Variants in FBF1 observed in about 807,000 individuals in gnomAD.
FBF1 encodes the protein fas-binding factor 1.
In FBF1, 119 loss-of-function variants were observed where a neutral mutation model predicts 147.2. The ratio of observed to expected loss-of-function variants is 0.81; its 90% CI spans 0.70 to 0.94. The LOEUF (loss-of-function observed/expected upper bound fraction) is 0.94, where lower values mean the gene tolerates loss of function less well. FBF1 is among the 40% of genes least tolerant of loss of function. FBF1 has a pLI of 0.00. For synonymous variants in FBF1, 601 were observed against 609.0 expected, an observed-to-expected ratio of 0.99 and a Z score of 0.19; for missense variants, 1,449 against 1,500.8, an observed-to-expected ratio of 0.97 and a Z score of 0.57.
chr17:75,938,124 A>T (rs1313116409), intron 2 of FBF1, 23 bp downstream of exon 2: 5 of 1,612,900 alleles, frequency 3.1e-6, no homozygotes, highest in Non-Finnish European at 4.2e-6. Context: ...CTTTCCATGC[A>T]TCTTACTCTG....
chr17:75,914,270 C>A lies in FBF1; in HGVS notation c.2843G>T (p.Ser948Ile). The A allele has an allele frequency of 6.3e-7, 1 of 1,592,678 alleles. No individual in the cohort carries two copies. The highest frequency in any genetic ancestry group is 1.7e-5 in the Admixed American group (1 of 58,004). Residue 948 changes from serine to isoleucine, a missense_variant, in exon 26 of 30, where the codon AGC becomes ATC. By Grantham distance (142) the Ser-to-Ile change is moderately radical (BLOSUM62 -2). Coordinates refer to ENST00000636174, the MANE Select transcript of FBF1 (RefSeq NM_001319193.2). ...CTGCTTCTCCTCGGCCCGGAGCTCG[C>A]TGGCCCTGATCTTCAGCTCAGCCTG... ...KEQAELKIRA[S>I]ELRAEEKQLA...
At chr17:75,935,773 G>C in intron 3 of FBF1, 100 bp from the exon 4 acceptor site, 1 of 1,132,276 alleles carries the variant, frequency 8.8e-7, no homozygotes, top group South Asian at 1.5e-5. Context: ...AGACCTTTCA[G>C]ATGTTGGGAC....
In FBF1 at chr17:75,909,617, C is replaced by T. The variant is rs2065446347; in HGVS notation, c.*1106G>A. 1 of 514,974 alleles carries T rather than the reference C, an allele frequency of 1.9e-6. No homozygotes were observed. The highest frequency in any genetic ancestry group is 1.9e-5 in the African/African-American group (1 of 52,664). The allele number at this position is 514,974 out of a possible 1,614,324, so 31.9% of individuals were successfully genotyped here. ...ATTTAATCTCCCCGGGCCTCAGTTT[C>T]TGCATGTTTGAAGCAGGGCTAATAG... On this transcript the variant is annotated 3_prime_UTR_variant, in exon 30 of 30. Transcript: ENST00000636174.
Position 75,927,496 on chromosome 17 carries a change from G to C in FBF1, c.434C>G (p.Pro145Arg). 1 of 1,604,636 alleles carries C rather than the reference G, an allele frequency of 6.2e-7. No individual in the cohort carries two copies. Among genetic ancestry groups the C allele is most frequent in the Non-Finnish European group, 8.5e-7 (1 of 1,175,764 alleles). The change falls in exon 9 of 30, where the codon CCC becomes CGC. Residue 145 changes from proline (P) to arginine (R), a missense_variant. By Grantham distance (103) the Pro-to-Arg change is moderately radical (BLOSUM62 -2). Coordinates refer to ENST00000636174, the MANE Select transcript of FBF1 (RefSeq NM_001319193.2). The stretch of plus-strand genomic sequence containing the variant: ...CCTGTTCTGATGCCCAGAGCTGCTG[G>C]GAGACGGAAGTGACTTCTTGGTGGG... ...AIPTKKSLPS[P>R]SSSGHQNRRF...
In FBF1 at chr17:75,922,120, C is replaced by T. The variant is rs1412357164; in HGVS notation, c.1425-74G>A. On this transcript the variant is annotated intron_variant, in intron 14 of 29. Coordinates refer to ENST00000636174, the MANE Select transcript of FBF1 (RefSeq NM_001319193.2). The surrounding 1 kb of genome is among the most constrained non-coding windows in gnomAD (Gnocchi z 5.0). ...GGCTGGATGAAGACAGGGCCCAGGA[C>T]GGGCTTCACACGTGAAGCTCGTGGC... 28 of 1,332,456 alleles carry T rather than the reference C, an allele frequency of 2.1e-5. No individual in the cohort carries two copies. The highest frequency in any genetic ancestry group is 2.7e-5 in the Non-Finnish European group (26 of 956,182). 82.5% of individuals were successfully genotyped at this position (1,332,456 alleles called of 1,614,324 possible). A position where few individuals can be genotyped will look rare whatever the true frequency, so the allele number is the denominator to read the frequency against.
intron 27 of FBF1, 39 bp downstream of exon 27, chr17:75,913,874 T>C: frequency 6.4e-7 from 1 of 1,558,452 alleles, no homozygotes. Context: ...AGGCTGGGGG[T>C]GCCGGGGGCA....
chr17:75,940,402 G>A (rs114482504), intron 1 of FBF1, among the ~76,000 whole-genome samples: 168 of 152,200 alleles, frequency 1.1e-3, no homozygotes, highest in African/African-American at 3.8e-3. Context: ...ACAGGCACAC[G>A]CCACCATGTG....
Position 75,914,223 on chromosome 17 carries a change from G to T in FBF1, c.2890C>A (p.Leu964Met). The T allele has an allele frequency of 6.3e-7, 1 of 1,593,836 alleles. No individual in the cohort carries two copies. ...CGCAGCTCCTGCCGCTCCTGCTCCA[G>T]GGCTGCTCTCTCCGCTGCCAGCTGC... is the stretch of plus-strand genomic sequence containing the variant. ...EKQLAAERAA[L>M]EQERQELRLE... Residue 964 changes from leucine to methionine, a missense_variant, in exon 26 of 30, where the codon CTG (leucine) becomes ATG (methionine). Coordinates refer to ENST00000636174, the MANE Select transcript of FBF1 (RefSeq NM_001319193.2).
chr17:75,927,462 G>T lies in FBF1; in HGVS notation c.468C>A (p.Ser156=). The T allele has an allele frequency of 6.3e-7, 1 of 1,592,648 alleles. No homozygotes were observed. The change falls in exon 9 of 30, where the codon TCC becomes TCA. Residue 156 remains serine (S), a synonymous_variant. Transcript: ENST00000636174. The stretch of plus-strand genomic sequence containing the variant: ...GACAGGAGCCTATGGTACCTTCAGA[G>T]GAAAACCTCCTGTTCTGATGCCCAG... ...SSSGHQNRRF[S]SEDLEDPLRG... is the part of the protein sequence containing the mutation.
At chr17:75,937,890 T>C (rs2065634535) in intron 2 of FBF1, 2 of 628,682 alleles carry the variant, frequency 3.2e-6, no homozygotes, top group East Asian at 5.4e-5. Context: ...GGAAATGTCT[T>C]CTATTCCGTG....
chr17:75,929,945 A>AGGGGGGCCCCCCCCCCCC, intron 7 of FBF1, 52 bp downstream of exon 7: 1 of 650,902 alleles, frequency 1.5e-6, no homozygotes, highest in Non-Finnish European at 2.8e-6. Context: ...AAATATCATG[A>AGGGGGGCCCCCCCCCCCC]CCCCACCCCA....
chr17:75,919,652 T>C lies in FBF1; in HGVS notation c.2138+16A>G, dbSNP rs1403422225. The stretch of plus-strand genomic sequence containing the variant: ...CTTGCAAGCCTGCTCCCCAGCTGCC[T>C]GTCCCTGGGCCTCACCGCTGCAGCT... On this transcript the variant is annotated intron_variant, in intron 20 of 29. Transcript: ENST00000636174. The surrounding 1 kb of genome is among the most constrained non-coding windows in gnomAD (Gnocchi z 5.0). The C allele has an allele frequency of 6.3e-7, 1 of 1,582,302 alleles. No homozygotes were observed. The highest frequency in any genetic ancestry group is 2.3e-5 in the East Asian group (1 of 43,278).
At chr17:75,917,550 A>C (rs1038267530) in intron 23 of FBF1, among the ~76,000 whole-genome samples, 182 bp downstream of exon 23, 1 of 152,182 alleles carries the variant, frequency 6.6e-6, no homozygotes, top group Non-Finnish European at 1.5e-5. Flanking sequence ...CGGCCCCTGC[A>C]TGCTCAGGTG....
At position 75,930,006 on chromosome 17, in the gene FBF1, C is replaced by A; in HGVS notation, c.270G>T (p.Gln90His). The stretch of plus-strand genomic sequence containing the variant: ...CAAGCTGTTTCCTTACCTTCATGGC[C>A]TGGAGCAGAGCCTGTGGGTCTGCCT... The part of the protein sequence containing the change: ...ISEADPQALL[Q>H]AMKDLDGMDA... Residue 90 changes from glutamine (Q) to histidine (H), a missense_variant, in exon 7 of 30, where the codon CAG becomes CAT. By Grantham distance (24) the Gln-to-His change is conservative. Coordinates refer to ENST00000636174, the MANE Select transcript of FBF1 (RefSeq NM_001319193.2). 7.2e-7 allele frequency: 1 copy of A among 1,393,036 alleles called. No individual in the cohort carries two copies. Among genetic ancestry groups the A allele is most frequent in the East Asian group, 3.6e-5 (1 of 27,484 alleles). 86.3% of individuals were successfully genotyped at this position (1,393,036 alleles called of 1,614,324 possible). A position where few individuals can be genotyped will look rare whatever the true frequency, so the allele number is the denominator to read the frequency against.
At chr17:75,936,440 C>T (rs1331022934) in intron 3 of FBF1, among the ~76,000 whole-genome samples, 1 of 151,076 alleles carries the variant, frequency 6.6e-6, no homozygotes, top group Non-Finnish European at 1.5e-5. Context: ...TGCAGTGAGC[C>T]GAGATCGCGC....
intron 1 of FBF1, among the ~76,000 whole-genome samples, chr17:75,939,288 C>CT (rs1205757979): frequency 8.6e-6 from 1 of 116,576 alleles, no homozygotes; most frequent in Non-Finnish European, 1.6e-5. Flanking sequence ...ATGCGAGACT[C>CT]TGTCTCCAAA....
intron 25 of FBF1, 70 bp from the exon 26 acceptor site, chr17:75,914,368 G>A (rs1456360859): frequency 6.7e-7 from 1 of 1,500,070 alleles, no homozygotes; most frequent in African/African-American, 1.4e-5. Flanking sequence ...AGGACTCTAG[G>A]GTCCCCTCTG....
At chr17:75,930,203 C>T (rs2065586229) in intron 6 of FBF1, 156 bp from the exon 7 acceptor site, 4 of 613,298 alleles carry the variant, frequency 6.5e-6, no homozygotes, top group African/African-American at 5.5e-5. Flanking sequence ...TGGCTTTGTT[C>T]CCCTTGCTTG....
chr17:75,918,180 C>G lies in FBF1; in HGVS notation c.2228G>C (p.Ser743Thr), dbSNP rs369232632. 28 of 1,613,394 alleles carry G rather than the reference C, an allele frequency of 1.7e-5. No homozygotes were observed. The highest frequency in any genetic ancestry group is 1.5e-5 in the Non-Finnish European group (18 of 1,179,854). The change falls in exon 21 of 30, where the codon AGT (serine) becomes ACT (threonine). Residue 743 changes from serine to threonine, a missense_variant. Transcript: ENST00000636174. This position sits in a 1 kb window ranked among gnomAD's most constrained non-coding sequence, Gnocchi z 5.8. ...LKDREVDAATSATSHTRSLNS... is the reference protein window; with the variant it reads ...LKDREVDAATTATSHTRSLNS... ...CACATACCGCGTGTGGGAGGTGGCA[C>G]TGGTGGCCGCATCGACCTCTCGGTC...
Sources: gnomAD v4.1 joint callset for allele counts (sites outside exome capture counted in the v4.1 genomes callset) on GRCh38, gnomAD v4.1.1 for gene constraint, Gnocchi (gnomAD v3.1) non-coding constraint, MANE v1.5 for transcripts, NCBI Gene and HGNC (gene_info 2026-07-23, HGNC 2026-07-21) for gene names.